Variants in MICU3 observed in about 807,000 individuals in gnomAD.
MICU3 encodes calcium uptake protein 3, mitochondrial.
In MICU3, 62 loss-of-function variants were observed where a neutral mutation model predicts 66.5. That is an observed-to-expected ratio of 0.93 (90% CI 0.76 to 1.15). MICU3 has a LOEUF of 1.15. Among genes scored for constraint, MICU3 ranks in the 50% most tolerant of loss-of-function variants. The pLI is 0.00. For missense variants in MICU3, 779 were observed against 664.4 expected (o/e 1.17, Z -1.90); for synonymous variants, 308 against 240.7 (o/e 1.28, Z -2.59).
At chr8:17,061,035 G>A (rs1022231729) in intron 1 of MICU3, among the ~76,000 whole-genome samples, 3 of 152,122 alleles carry the variant, frequency 2.0e-5, no homozygotes, top group African/African-American at 7.2e-5. Context: ...GTTAAAGAAT[G>A]CAAACTTTTC....
intron 10 of MICU3, 145 bp downstream of exon 10, chr8:17,104,636 A>C (rs1042969461): frequency 1.7e-5 from 7 of 412,546 alleles, no homozygotes; most frequent in Middle Eastern, 1.3e-3. Flanking sequence ...ACCCACATTT[A>C]TCAGTACCTA....
chr8:17,086,004 A>C (rs1348089484), intron 6 of MICU3, among the ~76,000 whole-genome samples: 2 of 152,068 alleles, frequency 1.3e-5, no homozygotes, highest in East Asian at 3.9e-4. Context: ...AAATACTATT[A>C]ATGTATTCCT....
chr8:17,035,414 C>T (rs1399398175), intron 1 of MICU3, among the ~76,000 whole-genome samples: 1 of 152,208 alleles, frequency 6.6e-6, no homozygotes, highest in African/African-American at 2.4e-5. Flanking sequence ...TTGGAACTTC[C>T]TACAGACTTG....
chr8:17,045,190 G>A (rs1377919088), intron 1 of MICU3, among the ~76,000 whole-genome samples: 12 of 152,148 alleles, frequency 7.9e-5, no homozygotes, highest in Admixed American at 7.9e-4. Flanking sequence ...TTATGAGGTA[G>A]ATAGATAACA....
intron 7 of MICU3, among the ~76,000 whole-genome samples, chr8:17,087,877 C>T (rs905644889): frequency 3.9e-5 from 6 of 151,990 alleles, no homozygotes; most frequent in Middle Eastern, 3.2e-3. Context: ...ACCAGAAATA[C>T]AGTGAATTTT....
intron 11 of MICU3, among the ~76,000 whole-genome samples, chr8:17,112,938 A>C (rs1802337553): frequency 6.6e-6 from 1 of 152,222 alleles, no homozygotes; most frequent in Non-Finnish European, 1.5e-5. Context: ...CCTTCTACAG[A>C]AAACATGATG....
the MICU3 span, chr8:17,132,941 G>A: frequency 1.3e-5 from 2 of 152,196 alleles, no homozygotes; most frequent in Non-Finnish European, 2.9e-5. Flanking sequence ...TGGTAAAAGA[G>A]GTGCAAGGGA....
At chr8:17,074,465 A>G (rs1820077294) in intron 3 of MICU3, among the ~76,000 whole-genome samples, 1 of 152,134 alleles carries the variant, frequency 6.6e-6, no homozygotes, top group African/African-American at 2.4e-5. Context: ...TGCTCACTAT[A>G]ATATATTAAA....
rs115560565 is a variant in MICU3, at chr8:17,028,876, A to G, written c.381+1216A>G. Among the ~76,000 whole-genome samples, 1,026 of 152,286 alleles carry G rather than the reference A, an allele frequency of 6.7e-3. 10 individuals carry two copies. Among genetic ancestry groups the G allele is most frequent in the African/African-American group, 0.024 (985 of 41,548 alleles). On this transcript the variant is annotated intron_variant, in intron 1 of 14. Coordinates refer to ENST00000318063, the MANE Select transcript of MICU3 (RefSeq NM_181723.3). The stretch of plus-strand genomic sequence containing the variant: ...GATGGCAGAACTTTTAATTAACCAT[A>G]GTTGGTCTAGGAACAGATCAGCAAG...
chr8:17,064,299 T>C (rs2150634594), intron 2 of MICU3, 62 bp downstream of exon 2: 1 of 1,340,656 alleles, frequency 7.5e-7, no homozygotes, highest in Non-Finnish European at 1.0e-6. Context: ...AGCTTGTGAA[T>C]GGATGGAGCA....
At chr8:17,031,185 T>C (rs1465834766) in intron 1 of MICU3, among the ~76,000 whole-genome samples, 1 of 151,822 alleles carries the variant, frequency 6.6e-6, no homozygotes, top group Non-Finnish European at 1.5e-5. Context: ...ACCACTCCAT[T>C]CCAGCCTAGG....
chr8:17,029,456 A>G (rs1811633273), intron 1 of MICU3, among the ~76,000 whole-genome samples: 1 of 152,158 alleles, frequency 6.6e-6, no homozygotes. Flanking sequence ...AGCCTGGGTG[A>G]CAAGAGCGAA....
intron 1 of MICU3, 31 bp downstream of exon 1, chr8:17,027,691 C>T (rs1352007198): frequency 2.4e-6 from 3 of 1,266,774 alleles, no homozygotes; most frequent in Non-Finnish European, 2.0e-6. Flanking sequence ...CACACCTGCG[C>T]GGGGGATGTG....
At chr8:17,125,122 C>T (rs192833536), downstream of MICU3, among the ~76,000 whole-genome samples, 881 of 86,070 alleles carry the variant, frequency 0.01, 3 homozygotes, top group Non-Finnish European at 0.014. Context: ...TAATGAATCT[C>T]CTATGAGTAT....
chr8:17,035,098 C>A (rs1328805684), intron 1 of MICU3, among the ~76,000 whole-genome samples: 1 of 152,212 alleles, frequency 6.6e-6, no homozygotes, highest in African/African-American at 2.4e-5. Flanking sequence ...CCTGCACATA[C>A]TGTCTTTCCT....
intron 8 of MICU3, among the ~76,000 whole-genome samples, chr8:17,093,452 G>C (rs181682469): frequency 1.3e-5 from 2 of 151,984 alleles, no homozygotes; most frequent in African/African-American, 4.8e-5. Flanking sequence ...GTATTTTCCA[G>C]TTTGGGGTAC....
chr8:17,040,739 A>G (rs1305615853), intron 1 of MICU3, among the ~76,000 whole-genome samples: 1 of 152,200 alleles, frequency 6.6e-6, no homozygotes, highest in Non-Finnish European at 1.5e-5. Context: ...ATAGTGGCAC[A>G]TGTAAAATTA....
intron 11 of MICU3, among the ~76,000 whole-genome samples, chr8:17,113,732 T>C (rs1176072166): frequency 6.6e-6 from 1 of 152,096 alleles, no homozygotes; most frequent in African/African-American, 2.4e-5. Context: ...GTTTTTTTTC[T>C]TTATTATCAT....
At chr8:17,080,109 C>T (rs369866769) in intron 4 of MICU3, among the ~76,000 whole-genome samples, 3 of 151,714 alleles carry the variant, frequency 2.0e-5, no homozygotes, top group South Asian at 2.1e-4. Context: ...TGATCCTGCA[C>T]GCCATAAATA....
Sources: gnomAD v4.1 joint callset for allele counts (sites outside exome capture counted in the v4.1 genomes callset) on GRCh38, gnomAD v4.1.1 for gene constraint, MANE v1.5 for transcripts, NCBI Gene and HGNC (gene_info 2026-07-23, HGNC 2026-07-21) for gene names.